KIF26B: variants seen among roughly 807,000 people sequenced by gnomAD.
KIF26B encodes kinesin family member 26B, also known as kinesin-like protein KIF26B.
Under a neutral mutation model 151.2 loss-of-function variants are expected in KIF26B, and 63 were observed. The ratio of observed to expected loss-of-function variants is 0.42; its 90% confidence interval spans 0.34 to 0.51. The LOEUF is 0.51. KIF26B is among the 20% of genes least tolerant of loss of function. KIF26B has a pLI of 0.07. For synonymous variants in KIF26B, 1,357 were observed against 1,262.1 expected, an observed-to-expected ratio of 1.08 and a Z score of -1.59; for missense variants, 2,813 against 2,913.6, an observed-to-expected ratio of 0.97 and a Z score of 0.79.
At position 245,318,531 on chromosome 1, in the gene KIF26B, A is replaced by G. The variant is rs1416693366; in HGVS notation, c.466-48303A>G. ...TCTGCTTGGCTCCGGATCTGCAGGT[A>G]GAGCAGTGCTGGAATTATCCCAGAG... On this transcript the variant is annotated intron_variant, in intron 2 of 14. Transcript: ENST00000407071. The surrounding 1 kb of genome is among the most constrained non-coding windows in gnomAD (Gnocchi z 4.0). Among the ~76,000 whole-genome samples, 1 of 152,186 alleles carries G rather than the reference A, an allele frequency of 6.6e-6. No homozygotes were observed. Among genetic ancestry groups the G allele is most frequent in the Non-Finnish European group, 1.5e-5 (1 of 68,042 alleles).
At chr1:245,161,906 G>T (rs962401687) in intron 2 of KIF26B, among the ~76,000 whole-genome samples, 2 of 152,184 alleles carry the variant, frequency 1.3e-5, no homozygotes, top group African/African-American at 4.8e-5. Flanking sequence ...TGAGTGGGGA[G>T]GTTGGGGGAA....
Position 245,607,637 on chromosome 1 carries a change from C to A in KIF26B, c.1558-14C>A. 2 of 1,598,694 alleles carry A rather than the reference C, an allele frequency of 1.3e-6. No homozygotes were observed. The highest frequency in any genetic ancestry group is 2.3e-5 in the South Asian group (2 of 88,632). ...GGTCCATTCACGGCTCGTGTCTCCT[C>A]TTGTGTCTGACAGGCTGAAGTGTGT... is the stretch of plus-strand genomic sequence containing the variant. On this transcript the variant is annotated splice_polypyrimidine_tract_variant and intron_variant, in intron 6 of 14. Coordinates refer to ENST00000407071, the MANE Select transcript of KIF26B (RefSeq NM_018012.4).
intron 4 of KIF26B, among the ~76,000 whole-genome samples, chr1:245,517,756 T>A (rs575768774): frequency 2.6e-5 from 4 of 151,666 alleles, no homozygotes; most frequent in Non-Finnish European, 5.9e-5. Context: ...CATATTAGAG[T>A]TGGGTCTAGA....
chr1:245,380,795 T>C (rs1673389307), intron 3 of KIF26B, among the ~76,000 whole-genome samples: 1 of 151,994 alleles, frequency 6.6e-6, no homozygotes, highest in South Asian at 2.1e-4. Context: ...CGTGATTTCT[T>C]TGGGGGCAAT....
intron 2 of KIF26B, among the ~76,000 whole-genome samples, chr1:245,157,233 G>C (rs935190417): frequency 1.3e-5 from 2 of 152,260 alleles, no homozygotes; most frequent in Non-Finnish European, 2.9e-5. Context: ...GCTCTTCGGA[G>C]CAGTGCTCCC....
chr1:245,527,689 A>G (rs1015840302), intron 4 of KIF26B, among the ~76,000 whole-genome samples: 1 of 150,788 alleles, frequency 6.6e-6, no homozygotes, highest in Non-Finnish European at 1.5e-5. Context: ...GCCTGCAACC[A>G]CGCCCGGCTA....
intron 3 of KIF26B, among the ~76,000 whole-genome samples, chr1:245,391,052 T>C (rs1673687889): frequency 6.6e-6 from 1 of 151,946 alleles, no homozygotes. Context: ...AATATTTTTC[T>C]GGTAAGATTT....
Position 245,560,312 on chromosome 1 carries a change from C to G in KIF26B, c.1350+19362C>G, listed in dbSNP as rs962529830. Among the ~76,000 whole-genome samples, 5 of 152,204 alleles carry G rather than the reference C, an allele frequency of 3.3e-5. No individual in the cohort carries two copies. The highest frequency in any genetic ancestry group is 4.8e-5 in the African/African-American group (2 of 41,448). ...GATACCCTCCAGACATAGGTCCGGC[C>G]TCTCAGGAGTTTTCATTCTCCTGAG... On this transcript the variant is annotated intron_variant, in intron 5 of 14. Transcript: ENST00000407071. The surrounding 1 kb of genome is among the most constrained non-coding windows in gnomAD (Gnocchi z 4.3).
chr1:245,545,040 C>T (rs1473744786), intron 5 of KIF26B, among the ~76,000 whole-genome samples: 2 of 151,880 alleles, frequency 1.3e-5, no homozygotes, highest in African/African-American at 2.4e-5. Context: ...CACGCACATG[C>T]GCGCACACAC....
chr1:245,653,476 CA>C (rs2044041220), intron 10 of KIF26B, among the ~76,000 whole-genome samples: 1 of 152,142 alleles, frequency 6.6e-6, no homozygotes, highest in African/African-American at 2.4e-5. Flanking sequence ...CTGTGCCTCA[CA>C]AGCTCTGCTA....
intron 2 of KIF26B, among the ~76,000 whole-genome samples, chr1:245,302,654 A>G (rs1423159035): frequency 3.3e-5 from 5 of 152,152 alleles, no homozygotes; most frequent in Non-Finnish European, 7.3e-5. Flanking sequence ...ATATCAGGGA[A>G]TTTGTTATTT....
chr1:245,369,211 C>G (rs142081657), intron 3 of KIF26B, among the ~76,000 whole-genome samples: 1,911 of 151,736 alleles, frequency 0.013, 41 homozygotes, highest in African/African-American at 0.044. Context: ...GACAGACAGA[C>G]AGACAGTTTA....
intron 2 of KIF26B, among the ~76,000 whole-genome samples, chr1:245,302,161 A>C (rs1459190402): frequency 6.6e-6 from 1 of 152,214 alleles, no homozygotes; most frequent in East Asian, 1.9e-4. Flanking sequence ...CGCATTTCTA[A>C]TGAATGTGAC....
At chr1:245,240,282 T>C (rs1670191696) in intron 2 of KIF26B, among the ~76,000 whole-genome samples, 1 of 152,158 alleles carries the variant, frequency 6.6e-6, no homozygotes, top group African/African-American at 2.4e-5. Flanking sequence ...CACATTCGCT[T>C]TATTTTTCTC....
At chr1:245,500,227 C>G (rs897626061) in intron 4 of KIF26B, among the ~76,000 whole-genome samples, 7 of 152,224 alleles carry the variant, frequency 4.6e-5, no homozygotes, top group African/African-American at 1.4e-4. Context: ...AGGGCACTGA[C>G]CTCATTCCTG....
chr1:245,316,148 T>A lies in KIF26B; in HGVS notation c.466-50686T>A, dbSNP rs1033758872. 1.7e-4 allele frequency among the ~76,000 whole-genome samples: 26 copies of A among 151,922 alleles called. 1 individual carries two copies. The highest frequency in any genetic ancestry group is 5.6e-4 in the African/African-American group (23 of 41,358). On this transcript the variant is annotated intron_variant, in intron 2 of 14. Transcript: ENST00000407071. ...GTTCTCTGGCTGCTTCTATTTTTTT[T>A]TTTTTTAGATGGAGTTTCATTCTTG...
intron 3 of KIF26B, among the ~76,000 whole-genome samples, chr1:245,407,786 G>A (rs1485930453): frequency 6.6e-6 from 1 of 152,132 alleles, no homozygotes; most frequent in African/African-American, 2.4e-5. Flanking sequence ...ATCCTATACT[G>A]GTAATACTAA....
At chr1:245,576,231 T>G (rs1211335217) in intron 5 of KIF26B, among the ~76,000 whole-genome samples, 2 of 152,196 alleles carry the variant, frequency 1.3e-5, no homozygotes, top group Non-Finnish European at 2.9e-5. Context: ...TCCTTGAACA[T>G]AGACTCCAGA....
intron 5 of KIF26B, among the ~76,000 whole-genome samples, chr1:245,558,550 A>G (rs1377243898): frequency 6.6e-6 from 1 of 152,168 alleles, no homozygotes; most frequent in Non-Finnish European, 1.5e-5. Flanking sequence ...CTGGGCTCTA[A>G]GTGGGCATTT....
Sources: allele counts gnomAD v4.1 joint callset (sites outside exome capture counted in the v4.1 genomes callset), GRCh38; gene constraint gnomAD v4.1.1; non-coding constraint Gnocchi (gnomAD v3.1); transcripts MANE v1.5; gene names NCBI Gene and HGNC (gene_info 2026-07-23, HGNC 2026-07-21).